CHODL: variants seen among roughly 807,000 people sequenced by gnomAD.
CHODL encodes chondrolectin.
CHODL carries 29 observed loss-of-function variants against 34.5 expected under a neutral mutation model. That is an observed-to-expected ratio of 0.84 (90% CI 0.63 to 1.15). CHODL has a LOEUF of 1.15. CHODL is among the 50% of genes most tolerant of loss of function. CHODL has a pLI of 0.00. For missense variants in CHODL, 332 were observed against 332.5 expected (o/e 1.00, Z 0.01); for synonymous variants, 125 against 116.1 (o/e 1.08, Z -0.49).
rs922685909 is a variant in CHODL at position 18,117,858 on chromosome 21, G to A, written c.-45+89887G>A. Among the ~76,000 whole-genome samples, 8 of 152,246 alleles carry A rather than the reference G, an allele frequency of 5.3e-5. 1 individual carries two copies. The South Asian group carries it at 1.7e-3, about 32-fold the overall frequency. On this transcript the variant is annotated intron_variant, in intron 2 of 6. Transcript: ENST00000400127. ...AACATTGCTATTAAATTAGCTTTAA[G>A]CAAGCATCCTTAAAAAGTTAAAGAA...
At chr21:18,069,262 T>C (rs1172766481) in intron 2 of CHODL, among the ~76,000 whole-genome samples, 1 of 152,184 alleles carries the variant, frequency 6.6e-6, no homozygotes. Context: ...CAGAAAGGAA[T>C]TGGACAAACC....
At chr21:18,250,359 G>A (rs116181689) in intron 1 of CHODL, among the ~76,000 whole-genome samples, 6,307 of 151,976 alleles carry the variant, frequency 0.042, 423 homozygotes, top group African/African-American at 0.15. Context: ...GAAAGCTTAC[G>A]CATTTTCCAA....
At chr21:18,066,145 T>C (rs543605992) in intron 2 of CHODL, among the ~76,000 whole-genome samples, 15 of 152,320 alleles carry the variant, frequency 9.8e-5, no homozygotes, top group Non-Finnish European at 1.8e-4. Context: ...TACTAAATTA[T>C]GTTTTCTGTC....
At chr21:18,108,662 A>T (rs1033460928) in intron 2 of CHODL, among the ~76,000 whole-genome samples, 14 of 152,280 alleles carry the variant, frequency 9.2e-5, no homozygotes, top group Admixed American at 8.5e-4. Flanking sequence ...TCCTATACAG[A>T]TAGGATCCTT....
intron 2 of CHODL, among the ~76,000 whole-genome samples, chr21:18,219,018 G>T (rs920802253): frequency 3.3e-5 from 5 of 152,026 alleles, no homozygotes; most frequent in African/African-American, 1.2e-4. Flanking sequence ...TGTCTTTTGA[G>T]CCCTCTAAAC....
chr21:18,102,369 T>C (rs1362909397), intron 2 of CHODL, among the ~76,000 whole-genome samples: 1 of 152,204 alleles, frequency 6.6e-6, no homozygotes, highest in Non-Finnish European at 1.5e-5. Context: ...TGAATGTTAG[T>C]AAGTTTTGAT....
chr21:18,103,842 C>A (rs147089475), intron 2 of CHODL, among the ~76,000 whole-genome samples: 1 of 152,178 alleles, frequency 6.6e-6, no homozygotes, highest in Non-Finnish European at 1.5e-5. Context: ...AACATCCTTT[C>A]TGTCACATTC....
At position 17,941,395 on chromosome 21, in the gene CHODL, C is replaced by T. The variant is rs2063362076; in HGVS notation, c.-145+23995C>T. On this transcript the variant is annotated intron_variant, in intron 1 of 6. Coordinates refer to the CHODL transcript ENST00000400127. ...AGTCCACTCTGTATAACCCCCAAAG[C>T]TTGTTTCTTAGTGCTTAAAATACAC... Among the ~76,000 whole-genome samples, 3 of 141,902 alleles carry T rather than the reference C, an allele frequency of 2.1e-5. No homozygotes were observed. In the South Asian group the frequency reaches 6.6e-4, roughly 31 times the overall value. 93.1% of individuals were successfully genotyped at this position (141,902 alleles called of 152,430 possible). A position where few individuals can be genotyped will look rare whatever the true frequency, so the allele number is the denominator to read the frequency against.
At chr21:18,180,570 C>T (rs976587081) in intron 2 of CHODL, among the ~76,000 whole-genome samples, 5 of 152,156 alleles carry the variant, frequency 3.3e-5, no homozygotes, top group South Asian at 2.1e-4. Context: ...TACATTATTA[C>T]GTAGTTATTA....
upstream of CHODL, among the ~76,000 whole-genome samples, chr21:18,240,834 A>G (rs2074075070): frequency 6.6e-6 from 1 of 152,198 alleles, no homozygotes; most frequent in Non-Finnish European, 1.5e-5. Flanking sequence ...GGAGTTCTAT[A>G]AATATTTTTA....
intron 1 of CHODL, among the ~76,000 whole-genome samples, chr21:18,016,057 C>G (rs2064070237): frequency 6.6e-6 from 1 of 152,202 alleles, no homozygotes; most frequent in Non-Finnish European, 1.5e-5. Flanking sequence ...GGGGAGGAAT[C>G]AAGGCTGCAG....
At chr21:18,193,292 C>T (rs971114333) in intron 2 of CHODL, among the ~76,000 whole-genome samples, 1 of 152,130 alleles carries the variant, frequency 6.6e-6, no homozygotes, top group African/African-American at 2.4e-5. Context: ...CTGAGATCCA[C>T]AATGTTTTTT....
chr21:18,121,246 G>A lies in CHODL; in HGVS notation c.-45+93275G>A, dbSNP rs540462876. Among the ~76,000 whole-genome samples the A allele has an allele frequency of 7.9e-5, 12 of 152,128 alleles. No homozygotes were observed. In the East Asian group the frequency reaches 2.1e-3, roughly 27 times the overall value. ...CCACAGTGGAAGAAGAACTGTCTTG[G>A]GCCATACATAAAATACATTAACACT... is the stretch of plus-strand genomic sequence containing the variant. On this transcript the variant is annotated intron_variant, in intron 2 of 6. Transcript: ENST00000400127.
chr21:18,022,584 G>A (rs1210930172), intron 1 of CHODL: 1 of 152,128 alleles, frequency 6.6e-6, no homozygotes, highest in Non-Finnish European at 1.5e-5. Flanking sequence ...CAATAGGAAG[G>A]TTTTAAGGAG....
intron 1 of CHODL, among the ~76,000 whole-genome samples, chr21:18,247,670 C>T (rs1340272334): frequency 6.6e-6 from 1 of 151,816 alleles, no homozygotes; most frequent in African/African-American, 2.4e-5. Context: ...TTTTGATGTA[C>T]GAATATGCAA....
At chr21:18,194,511 T>A (rs1196712990) in intron 2 of CHODL, among the ~76,000 whole-genome samples, 1 of 151,800 alleles carries the variant, frequency 6.6e-6, no homozygotes, top group Non-Finnish European at 1.5e-5. Flanking sequence ...TTTACGTAAA[T>A]AAAACTTCTT....
intron 1 of CHODL, among the ~76,000 whole-genome samples, chr21:17,975,676 T>C (rs540758786): frequency 6.6e-6 from 1 of 152,308 alleles, no homozygotes; most frequent in East Asian, 1.9e-4. Context: ...CCTTCTGTAC[T>C]ATTTACTGGA....
At chr21:18,168,236 C>T (rs1053675578) in intron 2 of CHODL, among the ~76,000 whole-genome samples, 1 of 152,178 alleles carries the variant, frequency 6.6e-6, no homozygotes, top group Non-Finnish European at 1.5e-5. Flanking sequence ...GGTGGGACTT[C>T]ACCTTGTGAT....
At chr21:17,968,441 T>G (rs950547126) in intron 1 of CHODL, among the ~76,000 whole-genome samples, 2 of 152,258 alleles carry the variant, frequency 1.3e-5, no homozygotes, top group African/African-American at 4.8e-5. Context: ...CTGGAACTGA[T>G]GTGCTTGTTT....
Sources: gnomAD v4.1 joint callset for allele counts (sites outside exome capture counted in the v4.1 genomes callset) on GRCh38, gnomAD v4.1.1 for gene constraint, MANE v1.5 for transcripts, NCBI Gene and HGNC (gene_info 2026-07-23, HGNC 2026-07-21) for gene names.